ABCC6: variants seen among roughly 807,000 people sequenced by gnomAD.
ABCC6 encodes ATP-binding cassette sub-family C member 6.
A neutral mutation model predicts 169.5 loss-of-function variants in ABCC6; 126 were observed. The ratio of observed to expected loss-of-function variants is 0.74; its 90% CI spans 0.64 to 0.86. The LOEUF is 0.86. Among genes scored for constraint, ABCC6 ranks in the 40% least tolerant of loss-of-function variants. The pLI, the probability that ABCC6 is intolerant of heterozygous loss-of-function variation, is 0.00. For synonymous variants in ABCC6, 752 were observed against 814.7 expected (o/e 0.92, Z 1.31); for missense variants, 1,733 against 1,927.2 (o/e 0.90, Z 1.89).
chr16:16,165,173 G>T (rs141488440), intron 23 of ABCC6, among the ~76,000 whole-genome samples: 140 of 152,358 alleles, frequency 9.2e-4, no homozygotes, highest in African/African-American at 2.9e-3. Flanking sequence ...AACTTTGGGA[G>T]GCCAAGGTGG....
chr16:16,168,663 G>C (rs2644994), intron 22 of ABCC6, among the ~76,000 whole-genome samples: 52,213 of 151,798 alleles, frequency 0.34, 9,646 homozygotes, highest in African/African-American at 0.47. Flanking sequence ...CTCGTGGTGA[G>C]GGGGTTGTTC....
At chr16:16,159,756 C>T (rs1269410070) in intron 25 of ABCC6, among the ~76,000 whole-genome samples, 173 bp from the exon 26 acceptor site, 1 of 152,154 alleles carries the variant, frequency 6.6e-6, no homozygotes, top group Non-Finnish European at 1.5e-5. Flanking sequence ...TTGGATACAA[C>T]CAACAGGTCC....
At chr16:16,175,412 G>A (rs212619) in intron 20 of ABCC6, among the ~76,000 whole-genome samples, 26,807 of 152,200 alleles carry the variant, frequency 0.18, 2,520 homozygotes, top group Middle Eastern at 0.22. Flanking sequence ...TCCACAGTGA[G>A]CCCAGCTGTG....
intron 20 of ABCC6, among the ~76,000 whole-genome samples, chr16:16,175,556 A>G (rs989305258): frequency 6.6e-6 from 1 of 152,158 alleles, no homozygotes; most frequent in African/African-American, 2.4e-5. Flanking sequence ...CTGTCAAAGC[A>G]TAAGTGGCCA....
intron 21 of ABCC6, among the ~76,000 whole-genome samples, chr16:16,172,851 TG>T (rs1301222814): frequency 2.0e-5 from 3 of 152,044 alleles, no homozygotes; most frequent in Non-Finnish European, 4.4e-5. Context: ...CAGACCAACC[TG>T]GGCAACATGG....
intron 6 of ABCC6, among the ~76,000 whole-genome samples, chr16:16,209,706 C>A (rs117157969): frequency 0.036 from 5,387 of 151,658 alleles, 112 homozygotes; most frequent in African/African-American, 0.046. Context: ...CTGGCTCAAG[C>A]GATTCTCACG....
At chr16:16,162,905 A>T in intron 24 of ABCC6, 88 bp downstream of exon 24, 3 of 1,547,218 alleles carry the variant, frequency 1.9e-6, no homozygotes, top group Non-Finnish European at 2.7e-6. Flanking sequence ...TCTCTGGGTG[A>T]CCTCTCTACC....
chr16:16,187,907 TTAAA>T (rs200447479), intron 13 of ABCC6, among the ~76,000 whole-genome samples: 36,844 of 85,562 alleles, frequency 0.43, 5,062 homozygotes, highest in South Asian at 0.54. Context: ...AATAAATAAA[TTAAA>T]TAAATAAATA....
Position 16,188,883 on chromosome 16 carries a change from A to C in ABCC6, c.1727T>G (p.Ile576Ser), listed in dbSNP as rs770677975. 1 of 1,614,058 alleles carries C rather than the reference A, an allele frequency of 6.2e-7. No individual in the cohort carries two copies. Among genetic ancestry groups the C allele is most frequent in the Non-Finnish European group, 8.5e-7 (1 of 1,179,996 alleles). The change falls in exon 13 of 31, where the codon ATC becomes AGC. Residue 576 changes from isoleucine to serine, a missense_variant. By Grantham distance (142) the Ile-to-Ser change is moderately radical. Coordinates refer to ENST00000205557, the MANE Select transcript of ABCC6 (RefSeq NM_001171.6). ...CAGGAAAGCCTGGGCCTTGTTGAGG[A>C]TGTTGAGAACTGTGAGAGTCACAAA... Reference protein sequence around the residue: ...KAFVTLTVLNILNKAQAFLPF... With the variant: ...KAFVTLTVLNSLNKAQAFLPF...
chr16:16,199,683 G>A (rs1215453193), intron 9 of ABCC6, among the ~76,000 whole-genome samples: 1 of 128,606 alleles, frequency 7.8e-6, no homozygotes, highest in Non-Finnish European at 1.8e-5. Flanking sequence ...ACACTGAGCT[G>A]GGAACTGAAA....
At chr16:16,155,080 G>T (rs747197443) in intron 27 of ABCC6, 49 bp from the exon 28 acceptor site, 7 of 1,531,074 alleles carry the variant, frequency 4.6e-6, no homozygotes, top group East Asian at 2.5e-5. Context: ...GGGTTTGTGG[G>T]CATTTATTGG....
In ABCC6 at chr16:16,214,996, C is replaced by T. The variant is rs2048803508; in HGVS notation, c.475-547G>A. On this transcript the variant is annotated intron_variant, in intron 4 of 30. Transcript: ENST00000205557. ...TGCGTCTGGGTTTTGTCCTTAGCCA[C>T]ATGATGATTGGCCACAGCTGCTGGG... 2.0e-5 allele frequency among the ~76,000 whole-genome samples: 3 copies of T among 152,208 alleles called. No homozygotes were observed. In the South Asian group the frequency reaches 6.2e-4, roughly 32 times the overall value.
At chr16:16,189,008 G>A in intron 12 of ABCC6, 34 bp from the exon 13 acceptor site, 1 of 1,611,970 alleles carries the variant, frequency 6.2e-7, no homozygotes, top group South Asian at 1.1e-5. Flanking sequence ...GGGCAACAGT[G>A]AGACACGCAA....
chr16:16,164,647 G>C (rs953621684), intron 23 of ABCC6, among the ~76,000 whole-genome samples: 2 of 152,210 alleles, frequency 1.3e-5, no homozygotes, highest in African/African-American at 2.4e-5. Context: ...CCTGGAAAGA[G>C]AGCGTGTACA....
At position 16,188,387 on chromosome 16, in the gene ABCC6, A is replaced by C. The variant is rs1224287995; in HGVS notation, c.1779+444T>G. Among the ~76,000 whole-genome samples, 17 of 152,216 alleles carry C rather than the reference A, an allele frequency of 1.1e-4. No homozygotes were observed. The East Asian group carries it at 3.1e-3, about 28-fold the overall frequency. ...AGCCTGGGTGACAGAGTGAGACTCC[A>C]TCTCAAATAAATAAATAAATAAAAA... On this transcript the variant is annotated intron_variant, in intron 13 of 30. Coordinates refer to ENST00000205557, the MANE Select transcript of ABCC6 (RefSeq NM_001171.6).
chr16:16,163,766 T>G (rs1395838697), intron 23 of ABCC6, among the ~76,000 whole-genome samples: 1 of 152,188 alleles, frequency 6.6e-6, no homozygotes, highest in Non-Finnish European at 1.5e-5. Flanking sequence ...CTGAATTTGC[T>G]GAACACCCAA....
At chr16:16,194,489 T>C (rs2047969967) in intron 10 of ABCC6, among the ~76,000 whole-genome samples, 1 of 152,136 alleles carries the variant, frequency 6.6e-6, no homozygotes, top group Admixed American at 6.6e-5. Context: ...ATGGTTATCT[T>C]CCCCCTCTCG....
intron 12 of ABCC6, 85 bp from the exon 13 acceptor site, chr16:16,189,059 G>T: frequency 6.7e-7 from 1 of 1,492,784 alleles, no homozygotes. Context: ...GTGCCTGCAC[G>T]GTCCATGTGG....
intron 25 of ABCC6, among the ~76,000 whole-genome samples, chr16:16,160,160 C>A (rs1161476234): frequency 6.6e-6 from 1 of 152,102 alleles, no homozygotes; most frequent in Non-Finnish European, 1.5e-5. Context: ...CTGCTGTTAA[C>A]CTCACTTCCT....
Sources: gnomAD v4.1 joint callset for allele counts (sites outside exome capture counted in the v4.1 genomes callset) on GRCh38, gnomAD v4.1.1 for gene constraint, MANE v1.5 for transcripts, NCBI Gene and HGNC (gene_info 2026-07-23, HGNC 2026-07-21) for gene names.